EYS: variants seen among roughly 807,000 people sequenced by gnomAD.
The protein encoded by EYS is protein eyes shut homolog.
EYS carries 250 observed loss-of-function variants against 282.1 expected under a neutral mutation model. The ratio of observed to expected loss-of-function variants is 0.89; its 90% CI spans 0.80 to 0.98. The LOEUF (loss-of-function observed/expected upper bound fraction) is 0.98, where lower values mean the gene tolerates loss of function less well. Ranked by LOEUF, EYS falls within the 50% of genes least tolerant of loss-of-function variation. The probability of loss-of-function intolerance (pLI) is 0.00; values close to 1 mark genes in which losing one functional copy is unlikely to be tolerated. For missense variants in EYS, 4,016 were observed against 3,709.0 expected (o/e 1.08, Z -2.15); for synonymous variants, 1,355 against 1,282.9 (o/e 1.06, Z -1.20).
chr6:65,500,751 T>C (rs1766420575), intron 2 of EYS, among the ~76,000 whole-genome samples: 1 of 151,960 alleles, frequency 6.6e-6, no homozygotes, highest in Non-Finnish European at 1.5e-5. Flanking sequence ...TTCAATTCCC[T>C]CTTATTTCTC....
intron 31 of EYS, among the ~76,000 whole-genome samples, chr6:64,101,490 G>A (rs1313232108): frequency 2.0e-5 from 3 of 151,480 alleles, no homozygotes; most frequent in Admixed American, 6.6e-5. Context: ...AACAAAATGA[G>A]ATAAAATGTT....
At chr6:63,962,873 C>A (rs1461751266) in intron 35 of EYS, among the ~76,000 whole-genome samples, 2 of 151,936 alleles carry the variant, frequency 1.3e-5, no homozygotes, top group African/African-American at 2.4e-5. Context: ...TGCCCAACAA[C>A]GATAGACTGG....
At chr6:64,485,623 G>C (rs1776559175) in intron 26 of EYS, among the ~76,000 whole-genome samples, 1 of 151,282 alleles carries the variant, frequency 6.6e-6, no homozygotes, top group African/African-American at 2.4e-5. Flanking sequence ...ACATTTCCTA[G>C]TTTTCTATAA....
chr6:64,317,860 G>A (rs1295228801), intron 29 of EYS, among the ~76,000 whole-genome samples: 1 of 152,016 alleles, frequency 6.6e-6, no homozygotes, highest in Non-Finnish European at 1.5e-5. Context: ...TGAAAAACAT[G>A]AATTCATGGC....
At chr6:64,156,802 C>T (rs1774936578) in intron 31 of EYS, among the ~76,000 whole-genome samples, 2 of 151,870 alleles carry the variant, frequency 1.3e-5, no homozygotes, top group South Asian at 4.2e-4. Context: ...TATCTGGTGG[C>T]AGAAATTTCT....
At chr6:65,408,883 C>T (rs923249691) in intron 5 of EYS, among the ~76,000 whole-genome samples, 4 of 152,102 alleles carry the variant, frequency 2.6e-5, no homozygotes, top group Non-Finnish European at 4.4e-5. Flanking sequence ...AGTATAAGCA[C>T]TGTTTTAGCT....
At chr6:65,673,507 TACA>T (rs1259037666) in intron 1 of EYS, among the ~76,000 whole-genome samples, 1 of 152,124 alleles carries the variant, frequency 6.6e-6, no homozygotes, top group African/African-American at 2.4e-5. Context: ...ACCCAGGACA[TACA>T]CTTAGAGAGT....
chr6:65,021,655 T>C (rs1482830934), intron 13 of EYS, among the ~76,000 whole-genome samples: 1 of 152,192 alleles, frequency 6.6e-6, no homozygotes, highest in Non-Finnish European at 1.5e-5. Flanking sequence ...TTTTCGGGTA[T>C]CTTTAGAGCA....
chr6:64,571,600 C>G (rs564017473), intron 26 of EYS, among the ~76,000 whole-genome samples: 24 of 152,214 alleles, frequency 1.6e-4, no homozygotes, highest in African/African-American at 5.8e-4. Flanking sequence ...GGGGATATCA[C>G]CACTGATCCC....
At chr6:63,845,483 A>G (rs1772074712) in intron 36 of EYS, among the ~76,000 whole-genome samples, 1 of 152,028 alleles carries the variant, frequency 6.6e-6, no homozygotes, top group African/African-American at 2.4e-5. Context: ...AAAGGAATAA[A>G]CCGCAGCACC....
chr6:64,062,288 C>T (rs925948025), intron 33 of EYS, among the ~76,000 whole-genome samples: 2 of 152,152 alleles, frequency 1.3e-5, no homozygotes, highest in African/African-American at 4.8e-5. Context: ...CAGGGACATC[C>T]ACAATGACAG....
intron 41 of EYS, among the ~76,000 whole-genome samples, chr6:63,736,666 A>G (rs1472346291): frequency 6.6e-6 from 1 of 152,108 alleles, no homozygotes; most frequent in Admixed American, 6.5e-5. Context: ...GAATCTATAA[A>G]TTACCTTGGG....
intron 12 of EYS, among the ~76,000 whole-genome samples, chr6:65,066,307 T>C (rs190594765): frequency 3.3e-5 from 5 of 152,342 alleles, no homozygotes; most frequent in Admixed American, 3.3e-4. Flanking sequence ...AAATTATCTT[T>C]GATTGTACCT....
chr6:65,141,467 A>G (rs1250651262), intron 12 of EYS, among the ~76,000 whole-genome samples: 1 of 151,470 alleles, frequency 6.6e-6, no homozygotes, highest in Non-Finnish European at 1.5e-5. Flanking sequence ...CATTGTGCAC[A>G]TGTACCCAAA....
intron 5 of EYS, among the ~76,000 whole-genome samples, chr6:65,414,479 A>T (rs371586062): frequency 9.2e-4 from 140 of 152,294 alleles, no homozygotes; most frequent in African/African-American, 3.3e-3. Flanking sequence ...AGTGAAGAAG[A>T]CAGTGAGAAA....
chr6:65,066,412 A>C (rs915226175), intron 12 of EYS, among the ~76,000 whole-genome samples: 1 of 152,172 alleles, frequency 6.6e-6, no homozygotes, highest in Non-Finnish European at 1.5e-5. Context: ...TAATATTCTC[A>C]GGTGAAATAA....
At chr6:64,490,084 A>G (rs1388028053) in intron 26 of EYS, among the ~76,000 whole-genome samples, 3 of 150,918 alleles carry the variant, frequency 2.0e-5, no homozygotes, top group African/African-American at 7.3e-5. Context: ...CTGTCTCTCT[A>G]TAGCATGAAT....
chr6:64,519,848 GT>G (rs1261726505), intron 26 of EYS, among the ~76,000 whole-genome samples: 1 of 151,782 alleles, frequency 6.6e-6, no homozygotes, highest in Admixed American at 6.6e-5. Context: ...CATTCACTGT[GT>G]TTCCTGTATC....
chr6:64,138,914 T>C (rs1375407434), intron 31 of EYS, among the ~76,000 whole-genome samples: 1 of 152,174 alleles, frequency 6.6e-6, no homozygotes, highest in African/African-American at 2.4e-5. Flanking sequence ...ATGCTAAGCA[T>C]GGGAGAGTTA....
Sources: allele counts gnomAD v4.1 joint callset (sites outside exome capture counted in the v4.1 genomes callset), GRCh38; gene constraint gnomAD v4.1.1; transcripts MANE v1.5; gene names NCBI Gene and HGNC (gene_info 2026-07-23, HGNC 2026-07-21).